ITIH2: variants seen among roughly 807,000 people sequenced by gnomAD.
ITIH2 encodes inter-alpha-trypsin inhibitor heavy chain H2.
ITIH2 carries 103 observed loss-of-function variants against 104.4 expected under a neutral mutation model. The observed-to-expected ratio is 0.99, with a 90% CI of 0.84 to 1.16. ITIH2 has a LOEUF of 1.16. Ranked by LOEUF, ITIH2 falls within the 50% of genes most tolerant of loss-of-function variation. The pLI is 0.00. For synonymous variants in ITIH2, 436 were observed against 435.4 expected (o/e 1.00, Z -0.02); for missense variants, 1,108 against 1,162.4 (o/e 0.95, Z 0.68).
At chr10:7,732,126 G>C in intron 13 of ITIH2, 130 bp downstream of exon 13, 10 of 879,058 alleles carry the variant, frequency 1.1e-5, no homozygotes, top group South Asian at 9.9e-5. Flanking sequence ...GAAGGCATGA[G>C]AATATCTCTG....
intron 7 of ITIH2, 146 bp downstream of exon 7, chr10:7,721,109 G>T: frequency 1.6e-6 from 1 of 610,120 alleles, no homozygotes. Flanking sequence ...AGAGCCTAGG[G>T]CCTCCCCAGG....
intron 16 of ITIH2, among the ~76,000 whole-genome samples, chr10:7,741,210 C>G (rs150667746): frequency 0.037 from 4,722 of 128,408 alleles, 92 homozygotes; most frequent in South Asian, 0.091. Context: ...CAGAGTTTCA[C>G]TCTTTTTGCC....
At chr10:7,706,101 T>C (rs928799430) in intron 2 of ITIH2, among the ~76,000 whole-genome samples, 8 of 152,302 alleles carry the variant, frequency 5.3e-5, no homozygotes, top group African/African-American at 1.9e-4. Flanking sequence ...ATTTTTTACT[T>C]TCTGAAAATC....
chr10:7,731,126 G>A (rs988790793), intron 12 of ITIH2, among the ~76,000 whole-genome samples: 8 of 152,128 alleles, frequency 5.3e-5, no homozygotes, highest in Middle Eastern at 3.4e-3. Flanking sequence ...CCATGTTGGC[G>A]AGGCTGGTCT....
chr10:7,733,913 CTG>C (rs1835027153), intron 14 of ITIH2, among the ~76,000 whole-genome samples: 1 of 151,758 alleles, frequency 6.6e-6, no homozygotes. Flanking sequence ...TAAACTATGA[CTG>C]TGAAGTAAAC....
chr10:7,749,211 G>A lies in ITIH2; in HGVS notation c.2718G>A (p.Thr906=), dbSNP rs755248758. ...ITRGLQKDYR[T]DLVFGTDVTC... is the part of the protein sequence containing the mutation. ...GGGGCTTACAGAAAGACTACAGAAC[G>A]GATCTAGTGTTTGGAACGGACGTTA... Residue 906 remains threonine (T), a synonymous_variant, in exon 21 of 21, where the codon ACG becomes ACA. Transcript: ENST00000358415. 1.3e-5 allele frequency: 21 copies of A among 1,614,000 alleles called. No individual in the cohort carries two copies. Among genetic ancestry groups the A allele is most frequent in the Admixed American group, 8.3e-5 (5 of 59,986 alleles).
rs1195641480 is a variant in ITIH2, at chr10:7,735,051, GC to G, written c.1918del (p.Leu640TrpfsTer38). ...IENEAGDERM[L>X]ADAPPQDPSC... ...AGAACGAGGCTGGGGATGAGCGCAT[GC>G]TGGCGGATGCCCCACCGCAGGATCC... On this transcript the variant is annotated frameshift_variant, in exon 15 of 21. Transcript: ENST00000358415. LOFTEE classifies it high-confidence loss of function. 3 of 1,612,166 alleles carry G rather than the reference GC, an allele frequency of 1.9e-6. No individual in the cohort carries two copies. Among genetic ancestry groups the G allele is most frequent in the Non-Finnish European group, 2.5e-6 (3 of 1,180,012 alleles).
chr10:7,730,212 T>C, intron 12 of ITIH2, 79 bp downstream of exon 12: 1 of 1,020,148 alleles, frequency 9.8e-7, no homozygotes, highest in South Asian at 1.7e-5. Context: ...GTATGATGCA[T>C]AACTGAACTT....
At chr10:7,720,768 T>C in intron 6 of ITIH2, 88 bp from the exon 7 acceptor site, 1 of 792,878 alleles carries the variant, frequency 1.3e-6, no homozygotes. Flanking sequence ...GAGAAAAGCA[T>C]CAGAGGACTT....
intron 6 of ITIH2, among the ~76,000 whole-genome samples, chr10:7,718,360 CT>C (rs201386464): frequency 0.013 from 2,012 of 152,266 alleles, 38 homozygotes; most frequent in African/African-American, 0.041. Flanking sequence ...TGCAAGGACT[CT>C]TTTTCCAGAT....
At chr10:7,725,753 G>A (rs995996332) in intron 9 of ITIH2, among the ~76,000 whole-genome samples, 1 of 152,204 alleles carries the variant, frequency 6.6e-6, no homozygotes, top group Admixed American at 6.5e-5. Flanking sequence ...GTTCAAAAGT[G>A]AGATGTGGAG....
At chr10:7,705,378 C>T (rs1364198096) in intron 2 of ITIH2, among the ~76,000 whole-genome samples, 196 bp downstream of exon 2, 1 of 152,192 alleles carries the variant, frequency 6.6e-6, no homozygotes, top group African/African-American at 2.4e-5. Context: ...AACTGCTCAG[C>T]AGCCTTCACA....
intron 2 of ITIH2, among the ~76,000 whole-genome samples, 173 bp downstream of exon 2, chr10:7,705,355 G>C (rs1834736860): frequency 6.6e-6 from 1 of 152,158 alleles, no homozygotes; most frequent in Non-Finnish European, 1.5e-5. Context: ...GAAATAAAAA[G>C]AGAAACTCAC....
chr10:7,724,513 C>A (rs1045724687), intron 9 of ITIH2, among the ~76,000 whole-genome samples: 2 of 137,358 alleles, frequency 1.5e-5, no homozygotes, highest in Non-Finnish European at 3.1e-5. Flanking sequence ...GGAGTTGCAG[C>A]GAGCAGAGAT....
chr10:7,704,711 T>C (rs1455551081), intron 1 of ITIH2, among the ~76,000 whole-genome samples: 2 of 152,186 alleles, frequency 1.3e-5, no homozygotes, highest in African/African-American at 4.8e-5. Context: ...TTATACAAAA[T>C]TGTGATTGCC....
At chr10:7,746,953 T>C (rs1309885913) in intron 20 of ITIH2, among the ~76,000 whole-genome samples, 1 of 152,222 alleles carries the variant, frequency 6.6e-6, no homozygotes, top group Non-Finnish European at 1.5e-5. Flanking sequence ...CTCATCTTCA[T>C]ACTTTAGAAG....
intron 8 of ITIH2, among the ~76,000 whole-genome samples, chr10:7,723,138 C>T (rs57124918): frequency 0.023 from 348 of 15,186 alleles, no homozygotes; most frequent in Non-Finnish European, 0.041. Context: ...CCTGGCATGG[C>T]GTGGAGTGGC....
intron 5 of ITIH2, among the ~76,000 whole-genome samples, chr10:7,716,145 C>G (rs138495578): frequency 0.02 from 3,006 of 152,162 alleles, 39 homozygotes; most frequent in Middle Eastern, 0.054. Context: ...CCACCACACC[C>G]GGCTAATTTT....
chr10:7,745,057 G>A, intron 19 of ITIH2, 94 bp downstream of exon 19: 1 of 1,111,740 alleles, frequency 9.0e-7, no homozygotes, highest in Non-Finnish European at 1.3e-6. Context: ...GACATGGCAG[G>A]TGTGGACTCA....
Sources: allele counts gnomAD v4.1 joint callset (sites outside exome capture counted in the v4.1 genomes callset), GRCh38; gene constraint gnomAD v4.1.1; transcripts MANE v1.5; gene names NCBI Gene and HGNC (gene_info 2026-07-23, HGNC 2026-07-21).